The following EDN1 variants were observed in gnomAD, a reference collection of about 807,000 sequenced individuals.
EDN1 encodes the protein endothelin-1.
In EDN1, 11 loss-of-function variants were observed where a neutral mutation model predicts 21.7. The observed-to-expected ratio is 0.51, with a 90% CI of 0.32 to 0.84. The LOEUF (loss-of-function observed/expected upper bound fraction) is 0.84, where lower values mean the gene tolerates loss of function less well. Ranked by LOEUF, EDN1 falls within the 40% of genes least tolerant of loss-of-function variation. The probability of loss-of-function intolerance (pLI) is 0.03; values close to 1 mark genes in which losing one functional copy is unlikely to be tolerated. For missense variants in EDN1, 244 were observed against 262.3 expected (o/e 0.93, Z 0.48); for synonymous variants, 85 against 90.6 (o/e 0.94, Z 0.35).
At chr6:12,268,970 A>C in the EDN1 span, among the ~76,000 whole-genome samples, 1 of 152,162 alleles carries the variant, frequency 6.6e-6, no homozygotes, top group Non-Finnish European at 1.5e-5. Context: ...CGAACATGAG[A>C]CCGCTTTCCA....
At chr6:12,243,495 A>G in the EDN1 span, among the ~76,000 whole-genome samples, 1 of 152,164 alleles carries the variant, frequency 6.6e-6, no homozygotes, top group Non-Finnish European at 1.5e-5. Context: ...TCAAGGGTCA[A>G]CTGTATTCCT....
At chr6:12,235,217 G>A in the EDN1 span, among the ~76,000 whole-genome samples, 6 of 152,178 alleles carry the variant, frequency 3.9e-5, no homozygotes, top group African/African-American at 1.4e-4. Context: ...TGGTTCTAAA[G>A]TACAGCGCAA....
the EDN1 span, among the ~76,000 whole-genome samples, chr6:12,284,748 G>A: frequency 0.37 from 28,437 of 77,314 alleles, 4,609 homozygotes; most frequent in South Asian, 0.46. Flanking sequence ...AGGAAGGAAG[G>A]AAGAAAGAAA....
At chr6:12,285,060 T>G in the EDN1 span, among the ~76,000 whole-genome samples, 1 of 152,142 alleles carries the variant, frequency 6.6e-6, no homozygotes, top group Non-Finnish European at 1.5e-5. Flanking sequence ...TTCTGAGATG[T>G]GTGAAATATG....
the EDN1 span, among the ~76,000 whole-genome samples, chr6:12,238,301 T>C: frequency 6.6e-6 from 1 of 151,882 alleles, no homozygotes; most frequent in South Asian, 2.1e-4. Flanking sequence ...TCCTCTGGGG[T>C]GTGATAGCAC....
chr6:12,276,455 C>A, the EDN1 span, among the ~76,000 whole-genome samples: 1 of 152,170 alleles, frequency 6.6e-6, no homozygotes, highest in Non-Finnish European at 1.5e-5. Context: ...AAGTACATTC[C>A]TTTACGCCAA....
the EDN1 span, among the ~76,000 whole-genome samples, chr6:12,278,026 C>T: frequency 1.2e-4 from 19 of 152,178 alleles, no homozygotes; most frequent in African/African-American, 4.6e-4. Flanking sequence ...ATATTATCTC[C>T]TTCTTAAAAT....
chr6:12,256,546 A>G, the EDN1 span, among the ~76,000 whole-genome samples: 3 of 152,180 alleles, frequency 2.0e-5, no homozygotes, highest in Non-Finnish European at 4.4e-5. Flanking sequence ...GCACAGTCCC[A>G]AGGTGCATCC....
At chr6:12,294,919 TC>T (rs1431704969) in intron 4 of EDN1, among the ~76,000 whole-genome samples, 1 of 85,292 alleles carries the variant, frequency 1.2e-5, no homozygotes, top group East Asian at 3.4e-4. Context: ...AGGTTTATGG[TC>T]TTTTTTTTTT....
the EDN1 span, among the ~76,000 whole-genome samples, chr6:12,257,481 A>AT: frequency 6.6e-6 from 1 of 152,156 alleles, no homozygotes; most frequent in Non-Finnish European, 1.5e-5. Context: ...TTAATGAGGG[A>AT]TTTTGGGGAT....
the EDN1 span, among the ~76,000 whole-genome samples, chr6:12,273,590 A>G: frequency 6.8e-6 from 1 of 147,316 alleles, no homozygotes; most frequent in Non-Finnish European, 1.5e-5. Flanking sequence ...GATGCACTAG[A>G]ATTGTAGGCA....
the EDN1 span, among the ~76,000 whole-genome samples, chr6:12,231,435 A>G: frequency 6.6e-6 from 1 of 152,216 alleles, no homozygotes; most frequent in African/African-American, 2.4e-5. Context: ...TCCATTCAAG[A>G]CACGTTTTAT....
At chr6:12,282,834 T>C in the EDN1 span, among the ~76,000 whole-genome samples, 4 of 152,266 alleles carry the variant, frequency 2.6e-5, no homozygotes, top group African/African-American at 9.6e-5. Context: ...CTTCATTCTT[T>C]GCTTTTGCAA....
At chr6:12,270,490 G>T in the EDN1 span, among the ~76,000 whole-genome samples, 7 of 151,874 alleles carry the variant, frequency 4.6e-5, no homozygotes, top group Non-Finnish European at 7.4e-5. Context: ...ATTTTCATTT[G>T]TATTAAATTA....
At chr6:12,267,031 T>C in the EDN1 span, among the ~76,000 whole-genome samples, 1 of 152,208 alleles carries the variant, frequency 6.6e-6, no homozygotes, top group East Asian at 1.9e-4. Flanking sequence ...ATTGTTAAAA[T>C]GTTGTTTTGA....
chr6:12,272,452 C>CTTTT, the EDN1 span, among the ~76,000 whole-genome samples: 15 of 106,814 alleles, frequency 1.4e-4, no homozygotes, highest in Non-Finnish European at 2.2e-4. Flanking sequence ...GAGTCATACT[C>CTTTT]TTTTTTTTTT....
chr6:12,247,816 G>T, the EDN1 span, among the ~76,000 whole-genome samples: 1 of 151,990 alleles, frequency 6.6e-6, no homozygotes, highest in Admixed American at 6.6e-5. Context: ...TGGGATTACA[G>T]GTGTCAGCAA....
intron 4 of EDN1, 38 bp from the exon 5 acceptor site, chr6:12,295,924 T>A (rs184995071): frequency 1.8e-4 from 296 of 1,600,196 alleles, no homozygotes; most frequent in East Asian, 1.2e-3. Flanking sequence ...GTGATTTTTT[T>A]AAAATAACAT....
At chr6:12,277,431 A>G in the EDN1 span, among the ~76,000 whole-genome samples, 2 of 152,246 alleles carry the variant, frequency 1.3e-5, no homozygotes, top group Admixed American at 6.5e-5. Context: ...ATAATGCGTG[A>G]TGTAAGTACT....
Sources: allele counts gnomAD v4.1 joint callset (sites outside exome capture counted in the v4.1 genomes callset), GRCh38; gene constraint gnomAD v4.1.1; transcripts MANE v1.5; gene names NCBI Gene and HGNC (gene_info 2026-07-23, HGNC 2026-07-21).